CDYL2: variants seen among roughly 807,000 people sequenced by gnomAD.
The protein encoded by CDYL2 is chromodomain Y-like protein 2.
CDYL2 carries 23 observed loss-of-function variants against 49.4 expected under a neutral mutation model. The observed-to-expected ratio is 0.47, with a 90% CI of 0.34 to 0.66. CDYL2 has a LOEUF of 0.66. Ranked by LOEUF, CDYL2 falls within the 30% of genes least tolerant of loss-of-function variation. The pLI, the probability that CDYL2 is intolerant of heterozygous loss-of-function variation, is 0.01. For missense variants in CDYL2, 678 were observed against 656.4 expected, an observed-to-expected ratio of 1.03 and a Z score of -0.36; for synonymous variants, 360 against 268.8, an observed-to-expected ratio of 1.34 and a Z score of -3.32.
intron 2 of CDYL2, among the ~76,000 whole-genome samples, chr16:80,660,018 AG>A (rs956678115): frequency 2.2e-4 from 33 of 152,130 alleles, no homozygotes; most frequent in African/African-American, 7.5e-4. Flanking sequence ...GCAATAACAG[AG>A]GCTTGAAAAA....
At chr16:80,607,776 T>G (rs1027382259) in intron 6 of CDYL2, among the ~76,000 whole-genome samples, 1 of 152,222 alleles carries the variant, frequency 6.6e-6, no homozygotes, top group Non-Finnish European at 1.5e-5. Context: ...TCTCGTTTCT[T>G]TGAAAGCTAT....
rs780793485 is a variant in CDYL2 at position 80,744,933 on chromosome 16, C to CCTAG, written c.24+59213_24+59216dup. Among the ~76,000 whole-genome samples the CCTAG allele has an allele frequency of 2.0e-5, 3 of 152,298 alleles. No individual in the cohort carries two copies. In the East Asian group the frequency reaches 5.8e-4, roughly 29 times the overall value. The stretch of plus-strand genomic sequence containing the variant: ...CAGTGCCACTGAGCCACCTGTCTCC[C>CCTAG]CTAGGCCTGGGATGCCTCTGTAAAC... On this transcript the variant is annotated intron_variant, in intron 1 of 6. Transcript: ENST00000570137.
intron 1 of CDYL2, among the ~76,000 whole-genome samples, chr16:80,800,335 G>A (rs778401221): frequency 1.1e-4 from 16 of 152,286 alleles, no homozygotes; most frequent in Non-Finnish European, 1.2e-4. Flanking sequence ...CAAATGCCCT[G>A]TGCAATCCAC....
chr16:80,791,410 C>T (rs970443968), intron 1 of CDYL2, among the ~76,000 whole-genome samples: 1 of 152,070 alleles, frequency 6.6e-6, no homozygotes, highest in Admixed American at 6.5e-5. Context: ...ACAGATGAAA[C>T]AAGACAGACA....
intron 2 of CDYL2, among the ~76,000 whole-genome samples, chr16:80,660,206 T>A (rs1908985012): frequency 6.6e-6 from 1 of 152,038 alleles, no homozygotes; most frequent in Non-Finnish European, 1.5e-5. Flanking sequence ...ATCAAAAATT[T>A]AATTCAGAGG....
chr16:80,718,829 G>C (rs939283486), intron 1 of CDYL2, among the ~76,000 whole-genome samples: 3 of 152,192 alleles, frequency 2.0e-5, no homozygotes, highest in Non-Finnish European at 2.9e-5. Flanking sequence ...GTCCCTAAAA[G>C]AGGTACTGAC....
At chr16:80,642,672 G>T (rs57933761) in intron 2 of CDYL2, among the ~76,000 whole-genome samples, 1 of 152,010 alleles carries the variant, frequency 6.6e-6, no homozygotes, top group African/African-American at 2.4e-5. Flanking sequence ...GGAGGTGAAA[G>T]GCACTTCTTA....
intron 2 of CDYL2, among the ~76,000 whole-genome samples, chr16:80,640,128 C>T (rs1908016844): frequency 6.6e-6 from 1 of 152,150 alleles, no homozygotes; most frequent in Admixed American, 6.5e-5. Flanking sequence ...CACTGAGACA[C>T]CAGCTGGGGT....
intron 1 of CDYL2, among the ~76,000 whole-genome samples, chr16:80,762,511 A>C (rs1212285040): frequency 6.6e-6 from 1 of 152,196 alleles, no homozygotes; most frequent in African/African-American, 2.4e-5. Flanking sequence ...AGATGGCATC[A>C]AGTCATTTCA....
chr16:80,757,296 T>C (rs1009963932), intron 1 of CDYL2, among the ~76,000 whole-genome samples: 1 of 151,994 alleles, frequency 6.6e-6, no homozygotes, highest in Non-Finnish European at 1.5e-5. Flanking sequence ...AAAAATATAT[T>C]TGGGAGGCTG....
intron 1 of CDYL2, among the ~76,000 whole-genome samples, chr16:80,769,547 G>C (rs942684829): frequency 1.1e-4 from 17 of 152,112 alleles, no homozygotes; most frequent in African/African-American, 4.1e-4. Context: ...ACTGATATTA[G>C]GCTGTCACCA....
chr16:80,635,179 ATC>A (rs1316551616), intron 2 of CDYL2, among the ~76,000 whole-genome samples: 1 of 152,260 alleles, frequency 6.6e-6, no homozygotes, highest in East Asian at 1.9e-4. Context: ...GATCCACCAC[ATC>A]AATAGGCTAA....
Position 80,598,908 on chromosome 16 carries a change from T to C in CDYL2, c.*5480A>G, listed in dbSNP as rs577433082. 5 of 152,250 alleles carry C rather than the reference T, an allele frequency of 3.3e-5. No homozygotes were observed. Among genetic ancestry groups the C allele is most frequent in the East Asian group, 1.9e-4 (1 of 5,186 alleles). 9.4% of individuals were successfully genotyped at this position (152,250 alleles called of 1,614,324 possible). ...GCTTTGTTAGAATAATGGAATTCTT[T>C]GGTTCTCGGTTTTATGAAAGGCAAT... On this transcript the variant is annotated 3_prime_UTR_variant, in exon 7 of 7. Transcript: ENST00000570137.
At chr16:80,689,263 G>A (rs1171888619) in intron 1 of CDYL2, among the ~76,000 whole-genome samples, 1 of 152,188 alleles carries the variant, frequency 6.6e-6, no homozygotes, top group Admixed American at 6.5e-5. Context: ...GGCAGGCAGG[G>A]AAATGCTGAT....
Position 80,804,144 on chromosome 16 carries a change from CCGTACCT to C in CDYL2, c.23_24+5del. The C allele has an allele frequency of 8.0e-7, 1 of 1,246,514 alleles. No homozygotes were observed. The highest frequency in any genetic ancestry group is 1.0e-6 in the Non-Finnish European group (1 of 962,752). The allele number at this position is 1,246,514 out of a possible 1,614,324, so 77.2% of individuals were successfully genotyped here. A position where few individuals can be genotyped will look rare whatever the true frequency, so the allele number is the denominator to read the frequency against. On this transcript the variant is annotated splice_donor_variant and splice_donor_5th_base_variant and coding_sequence_variant and intron_variant, in exon 1 of 7. Coordinates refer to ENST00000570137, the MANE Select transcript of CDYL2 (RefSeq NM_152342.4). LOFTEE classifies it high-confidence loss of function. Reference sequence around the variant, plus strand: ...GGGGCCGGCCCGCGCCCCCGCGTCCCCGTACCTCGTAAAGGTCCCCAGAAGCCATGCC... The same window carrying C: ...GGGGCCGGCCCGCGCCCCCGCGTCCCCGTAAAGGTCCCCAGAAGCCATGCC...
At chr16:80,757,044 A>G (rs1906335814) in intron 1 of CDYL2, among the ~76,000 whole-genome samples, 1 of 152,200 alleles carries the variant, frequency 6.6e-6, no homozygotes, top group African/African-American at 2.4e-5. Flanking sequence ...GACTCCCATC[A>G]CAATTAATAT....
chr16:80,727,295 G>A (rs1373251398), intron 1 of CDYL2, among the ~76,000 whole-genome samples: 1 of 152,232 alleles, frequency 6.6e-6, no homozygotes. Flanking sequence ...CAAGCGCAAG[G>A]GGTCAGGGAG....
chr16:80,802,908 C>T (rs1907969326), intron 1 of CDYL2, among the ~76,000 whole-genome samples: 1 of 152,246 alleles, frequency 6.6e-6, no homozygotes. Flanking sequence ...AATTCTACCC[C>T]TTCTGGGTGC....
chr16:80,711,309 T>C (rs192292348), intron 1 of CDYL2, among the ~76,000 whole-genome samples: 46 of 152,264 alleles, frequency 3.0e-4, no homozygotes, highest in Middle Eastern at 6.8e-3. Flanking sequence ...ATAAAGTACG[T>C]ATCTTGAACC....
Sources: gnomAD v4.1 joint callset for allele counts (sites outside exome capture counted in the v4.1 genomes callset) on GRCh38, gnomAD v4.1.1 for gene constraint, MANE v1.5 for transcripts, NCBI Gene and HGNC (gene_info 2026-07-23, HGNC 2026-07-21) for gene names.